OCA2: variants seen among roughly 807,000 people sequenced by gnomAD.
The protein encoded by OCA2 is P protein.
A neutral mutation model predicts 100.2 loss-of-function variants in OCA2; 77 were observed. The ratio of observed to expected loss-of-function variants is 0.77; its 90% CI spans 0.64 to 0.93. The LOEUF is 0.93. OCA2 is among the 40% of genes least tolerant of loss of function. The pLI is 0.00. For missense variants in OCA2, 1,062 were observed against 1,089.1 expected (o/e 0.98, Z 0.35); for synonymous variants, 432 against 439.2 (o/e 0.98, Z 0.21).
chr15:27,834,853 G>T (rs1054088389), intron 23 of OCA2, among the ~76,000 whole-genome samples: 1 of 152,202 alleles, frequency 6.6e-6, no homozygotes, highest in East Asian at 1.9e-4. Context: ...ACAGGCACCT[G>T]CTCCTCATGT....
chr15:28,048,536 A>G (rs1280098546), intron 2 of OCA2, among the ~76,000 whole-genome samples: 4 of 152,182 alleles, frequency 2.6e-5, no homozygotes, highest in Middle Eastern at 3.2e-3. Flanking sequence ...CTATAAAACA[A>G]TTGACTCAAA....
intron 23 of OCA2, among the ~76,000 whole-genome samples, chr15:27,831,299 A>AAAAAAAAAAAAAAAAAAAAAC (rs2034944821): frequency 6.6e-6 from 1 of 151,230 alleles, no homozygotes; most frequent in Non-Finnish European, 1.5e-5. Context: ...AAAAAAAAAA[A>AAAAAAAAAAAAAAAAAAAAAC]AAAAAAATCG....
At chr15:27,913,749 G>A (rs2594887) in intron 19 of OCA2, among the ~76,000 whole-genome samples, 91,662 of 144,836 alleles carry the variant, frequency 0.63, 29,741 homozygotes, top group East Asian at 0.96. Flanking sequence ...GCCTCAAAGA[G>A]TGAATTAGAG....
At chr15:28,008,779 G>A (rs746075780) in intron 9 of OCA2, among the ~76,000 whole-genome samples, 7 of 152,242 alleles carry the variant, frequency 4.6e-5, no homozygotes, top group Non-Finnish European at 1.0e-4. Context: ...AGGGATCAGG[G>A]AGGAGGCCAT....
chr15:27,791,323 C>T (rs529095082), intron 23 of OCA2, among the ~76,000 whole-genome samples: 96 of 152,320 alleles, frequency 6.3e-4, no homozygotes, highest in Middle Eastern at 6.8e-3. Flanking sequence ...GGATCCTACA[C>T]AGCTATACAA....
the OCA2 span, among the ~76,000 whole-genome samples, chr15:27,725,668 G>A: frequency 6.6e-6 from 1 of 152,176 alleles, no homozygotes; most frequent in Non-Finnish European, 1.5e-5. Flanking sequence ...CTTCTTTAAA[G>A]GCCCTTACTT....
rs1206233176 is a variant in OCA2, at chr15:27,770,965, C to T, written c.2433-15493G>A. The stretch of plus-strand genomic sequence containing the variant: ...TTCCTTGCTTCCATCTTTCCTTCCT[C>T]CCTCCCTTCCTTTCCTTCTTTCTTC... On this transcript the variant is annotated intron_variant, in intron 23 of 23. Coordinates refer to ENST00000354638, the MANE Select transcript of OCA2 (RefSeq NM_000275.3). Among the ~76,000 whole-genome samples, 12 of 78,760 alleles carry T rather than the reference C, an allele frequency of 1.5e-4. No homozygotes were observed. In the East Asian group the frequency reaches 3.1e-3, roughly 20 times the overall value. 51.7% of individuals were successfully genotyped at this position (78,760 alleles called of 152,430 possible).
intron 21 of OCA2, among the ~76,000 whole-genome samples, chr15:27,855,528 T>C (rs2151429014): frequency 6.6e-6 from 1 of 152,342 alleles, no homozygotes; most frequent in South Asian, 2.1e-4. Context: ...CTCTGAGAAG[T>C]CTCCCTGAGT....
At position 27,957,818 on chromosome 15, in the gene OCA2, T is replaced by C; in HGVS notation, c.1637-83A>G. ...CCTCCTCTGTTCCCCACACAGTCGATGCCTGACAGAGCAGACACACACTCG... is the reference window on the plus strand; with the variant it reads ...CCTCCTCTGTTCCCCACACAGTCGACGCCTGACAGAGCAGACACACACTCG... On this transcript the variant is annotated intron_variant, in intron 15 of 23. Transcript: ENST00000354638. This position sits in a 1 kb window ranked among gnomAD's most constrained non-coding sequence, Gnocchi z 4.3. 2.0e-6 allele frequency: 3 copies of C among 1,524,818 alleles called. No homozygotes were observed. The highest frequency in any genetic ancestry group is 2.7e-6 in the Non-Finnish European group (3 of 1,108,228). The allele number at this position is 1,524,818 out of a possible 1,614,324, so 94.5% of individuals were successfully genotyped here.
intron 2 of OCA2, among the ~76,000 whole-genome samples, chr15:28,041,914 T>C (rs1349545932): frequency 6.6e-6 from 1 of 152,050 alleles, no homozygotes; most frequent in Admixed American, 6.5e-5. Flanking sequence ...AAAGAGTGAA[T>C]GTGCATGAGA....
chr15:27,814,921 T>C (rs1186194298), intron 23 of OCA2, among the ~76,000 whole-genome samples: 2 of 149,950 alleles, frequency 1.3e-5, no homozygotes, highest in Non-Finnish European at 3.0e-5. Flanking sequence ...GATAGATAGA[T>C]AGATAGATAG....
At chr15:27,771,432 C>T (rs1211317145) in intron 23 of OCA2, among the ~76,000 whole-genome samples, 5 of 138,830 alleles carry the variant, frequency 3.6e-5, no homozygotes, top group African/African-American at 1.1e-4. Context: ...ATCAATGGGC[C>T]GCCCCTCCGT....
intron 5 of OCA2, 91 bp from the exon 6 acceptor site, chr15:28,022,664 T>TCCA: frequency 2.2e-6 from 2 of 908,496 alleles, no homozygotes; most frequent in Non-Finnish European, 1.8e-6. Context: ...ACAGATGTGA[T>TCCA]GATGGGGCTA....
chr15:27,878,979 AT>A (rs145188746), intron 19 of OCA2, among the ~76,000 whole-genome samples: 1,537 of 152,202 alleles, frequency 0.01, 13 homozygotes, highest in Non-Finnish European at 0.016. Flanking sequence ...CCCCACATGC[AT>A]TAGCTATTTA....
chr15:28,034,604 T>C (rs991028856), intron 2 of OCA2, among the ~76,000 whole-genome samples: 1 of 152,118 alleles, frequency 6.6e-6, no homozygotes, highest in Non-Finnish European at 1.5e-5. Context: ...AGCAAAACCC[T>C]GTCTCTAAAA....
chr15:27,820,331 C>A (rs1473933177), intron 23 of OCA2, among the ~76,000 whole-genome samples: 1 of 152,202 alleles, frequency 6.6e-6, no homozygotes, highest in Non-Finnish European at 1.5e-5. Context: ...GCAGTAAAGA[C>A]ACCCGACAAA....
intron 19 of OCA2, among the ~76,000 whole-genome samples, chr15:27,890,767 C>T (rs2037423684): frequency 6.6e-6 from 1 of 152,272 alleles, no homozygotes; most frequent in Non-Finnish European, 1.5e-5. Flanking sequence ...GTGGCCCACA[C>T]CTGTAATCCC....
In OCA2 at chr15:27,755,294, T is replaced by C; in HGVS notation, c.*94A>G. On this transcript the variant is annotated 3_prime_UTR_variant, in exon 24 of 24. Coordinates refer to ENST00000354638, the MANE Select transcript of OCA2 (RefSeq NM_000275.3). The stretch of plus-strand genomic sequence containing the variant: ...TAGCATCTCCAGGGTAAGCACCTTT[T>C]CTTCTTCAAACAGTGGGGTCAGGGT... 1 of 893,608 alleles carries C rather than the reference T, an allele frequency of 1.1e-6. No homozygotes were observed. Among genetic ancestry groups the C allele is most frequent in the South Asian group, 1.4e-5 (1 of 73,260 alleles). The allele number at this position is 893,608 out of a possible 1,614,324, so 55.4% of individuals were successfully genotyped here.
At chr15:28,000,234 A>C (rs1366312206) in intron 9 of OCA2, among the ~76,000 whole-genome samples, 2 of 152,230 alleles carry the variant, frequency 1.3e-5, no homozygotes, top group African/African-American at 4.8e-5. Context: ...ATAGCAATCA[A>C]AACAGTATGA....
Sources: gnomAD v4.1 joint callset for allele counts (sites outside exome capture counted in the v4.1 genomes callset) on GRCh38, gnomAD v4.1.1 for gene constraint, Gnocchi (gnomAD v3.1) non-coding constraint, MANE v1.5 for transcripts, NCBI Gene and HGNC (gene_info 2026-07-23, HGNC 2026-07-21) for gene names.